The following NDST4 variants were observed in gnomAD, a reference collection of about 807,000 sequenced individuals.
NDST4 encodes N-deacetylase and N-sulfotransferase 4, also known as N-heparan sulfate sulfotransferase 4.
In NDST4, 63 loss-of-function variants were observed where a neutral mutation model predicts 100.8. The ratio of observed to expected loss-of-function variants is 0.62; its 90% CI spans 0.51 to 0.77. NDST4 has a LOEUF of 0.77. Among genes scored for constraint, NDST4 ranks in the 30% least tolerant of loss-of-function variants. The pLI, the probability that NDST4 is intolerant of heterozygous loss-of-function variation, is 0.00. For synonymous variants in NDST4, 377 were observed against 361.8 expected (o/e 1.04, Z -0.48); for missense variants, 943 against 1,018.4 (o/e 0.93, Z 1.01).
At chr4:115,022,333 T>C (rs899880890) in intron 2 of NDST4, among the ~76,000 whole-genome samples, 7 of 151,522 alleles carry the variant, frequency 4.6e-5, no homozygotes, top group African/African-American at 1.7e-4. Context: ...CATACATATG[T>C]GTTCCACGTA....
intron 1 of NDST4, among the ~76,000 whole-genome samples, chr4:115,078,415 C>G (rs959457859): frequency 5.3e-5 from 8 of 152,140 alleles, no homozygotes; most frequent in Non-Finnish European, 1.2e-4. Context: ...CAGTGAAATA[C>G]AAGCTAAGGA....
chr4:115,012,065 G>A (rs1374372232), intron 2 of NDST4, among the ~76,000 whole-genome samples: 1 of 151,700 alleles, frequency 6.6e-6, no homozygotes, highest in Non-Finnish European at 1.5e-5. Flanking sequence ...CTTAGAATGA[G>A]TACTAGGGTC....
intron 2 of NDST4, among the ~76,000 whole-genome samples, chr4:115,074,730 C>A (rs1457742460): frequency 6.6e-6 from 1 of 152,062 alleles, no homozygotes; most frequent in Non-Finnish European, 1.5e-5. Flanking sequence ...CAGTGGCCAT[C>A]AGGTCTTAGG....
chr4:114,923,876 G>T (rs943285087), intron 6 of NDST4, among the ~76,000 whole-genome samples: 10 of 151,118 alleles, frequency 6.6e-5, no homozygotes, highest in African/African-American at 2.2e-4. Context: ...AGTTATACTA[G>T]ATGGAAAAGA....
intron 6 of NDST4, among the ~76,000 whole-genome samples, chr4:114,933,453 T>TGTGTG (rs1553955203): frequency 1.4e-5 from 2 of 141,002 alleles, no homozygotes; most frequent in African/African-American, 5.5e-5. Flanking sequence ...TTTTTTTTTT[T>TGTGTG]TGTGTGTAAA....
chr4:114,889,173 T>C (rs1240158828), intron 6 of NDST4, among the ~76,000 whole-genome samples: 1 of 152,196 alleles, frequency 6.6e-6, no homozygotes, highest in Non-Finnish European at 1.5e-5. Flanking sequence ...AAAGAAAAGC[T>C]GCCTACTTTG....
At chr4:114,855,634 T>C (rs999230702) in intron 7 of NDST4, among the ~76,000 whole-genome samples, 1 of 152,188 alleles carries the variant, frequency 6.6e-6, no homozygotes, top group Non-Finnish European at 1.5e-5. Context: ...TTGGTCTATG[T>C]GTCTATTTGC....
Position 115,071,589 on chromosome 4 carries a change from A to G in NDST4, c.978+4470T>C, listed in dbSNP as rs1458219784. Among the ~76,000 whole-genome samples the G allele has an allele frequency of 1.3e-5, 2 of 152,170 alleles. 1 individual carries two copies. The highest frequency in any genetic ancestry group is 4.1e-4 in the South Asian group (2 of 4,832). ...TTGAAATATATATGAAATACCTATT[A>G]AAATACCTATTGAACACCTCTTTTA... On this transcript the variant is annotated intron_variant, in intron 2 of 13. Coordinates refer to ENST00000264363, the MANE Select transcript of NDST4 (RefSeq NM_022569.3).
At chr4:115,109,720 A>G (rs1365604698) in intron 1 of NDST4, among the ~76,000 whole-genome samples, 1 of 151,938 alleles carries the variant, frequency 6.6e-6, no homozygotes, top group African/African-American at 2.4e-5. Flanking sequence ...TTAATGAAGT[A>G]TATTATCTCT....
At chr4:114,992,782 A>G (rs1358216170) in intron 2 of NDST4, among the ~76,000 whole-genome samples, 1 of 151,844 alleles carries the variant, frequency 6.6e-6, no homozygotes, top group Non-Finnish European at 1.5e-5. Context: ...TAATTTAGAA[A>G]GGGGTGTTGC....
At chr4:114,843,792 C>T (rs987833327) in intron 10 of NDST4, among the ~76,000 whole-genome samples, 1 of 152,132 alleles carries the variant, frequency 6.6e-6, no homozygotes, top group Non-Finnish European at 1.5e-5. Context: ...TCCCGCTCTG[C>T]ACTTTTCATC....
At chr4:115,017,541 C>T (rs1578456757) in intron 2 of NDST4, among the ~76,000 whole-genome samples, 2 of 152,054 alleles carry the variant, frequency 1.3e-5, no homozygotes, top group African/African-American at 4.8e-5. Context: ...TGCCACCTGG[C>T]AGGAGATTCT....
At chr4:115,022,915 G>T (rs1727890262) in intron 2 of NDST4, among the ~76,000 whole-genome samples, 1 of 152,196 alleles carries the variant, frequency 6.6e-6, no homozygotes, top group African/African-American at 2.4e-5. Context: ...CAGCCACGTA[G>T]AACTGAAAGA....
At chr4:115,064,050 G>T (rs1156278579) in intron 2 of NDST4, among the ~76,000 whole-genome samples, 1 of 151,918 alleles carries the variant, frequency 6.6e-6, no homozygotes, top group Non-Finnish European at 1.5e-5. Flanking sequence ...TATGTAGCTT[G>T]TTTTGAGTAT....
rs372659416 is a variant in NDST4, at chr4:114,828,566, T to TA, written c.2500-632dup. ...AGATGGGCCGTTATTAGAGAAATGC[T>TA]AAAAAAAATATGAATGGTTTTAGTT... On this transcript the variant is annotated intron_variant, in intron 13 of 13. Transcript: ENST00000264363. Among the ~76,000 whole-genome samples the TA allele has an allele frequency of 1.4e-4, 22 of 151,816 alleles. No individual in the cohort carries two copies. The South Asian group carries it at 2.7e-3, about 19-fold the overall frequency.
At chr4:115,033,152 TA>T (rs370513450) in intron 2 of NDST4, among the ~76,000 whole-genome samples, 10,944 of 102,994 alleles carry the variant, frequency 0.11, 519 homozygotes, top group African/African-American at 0.13. Flanking sequence ...TATATATATA[TA>T]TATATTTTTT....
At chr4:114,899,513 A>T (rs1042732975) in intron 6 of NDST4, among the ~76,000 whole-genome samples, 1 of 151,742 alleles carries the variant, frequency 6.6e-6, no homozygotes, top group African/African-American at 2.4e-5. Context: ...GTCTCAATCT[A>T]TTCCTAGTTT....
chr4:114,979,046 C>T (rs1726706686), intron 2 of NDST4, among the ~76,000 whole-genome samples: 1 of 151,984 alleles, frequency 6.6e-6, no homozygotes. Context: ...GTGCCTCCAA[C>T]ACCCATTGCT....
At chr4:115,032,245 A>G (rs983688702) in intron 2 of NDST4, among the ~76,000 whole-genome samples, 7 of 152,134 alleles carry the variant, frequency 4.6e-5, no homozygotes, top group African/African-American at 1.7e-4. Context: ...AAAAATTAAA[A>G]TGACCCCAAG....
Sources: gnomAD v4.1 joint callset for allele counts (sites outside exome capture counted in the v4.1 genomes callset) on GRCh38, gnomAD v4.1.1 for gene constraint, MANE v1.5 for transcripts, NCBI Gene and HGNC (gene_info 2026-07-23, HGNC 2026-07-21) for gene names.